PCDHGB1: variants seen among roughly 807,000 people sequenced by gnomAD.
PCDHGB1 encodes protocadherin gamma-B1.
Under a neutral mutation model 56.6 loss-of-function variants are expected in PCDHGB1, and 34 were observed. The ratio of observed to expected loss-of-function variants is 0.60; its 90% confidence interval spans 0.46 to 0.80. The LOEUF (loss-of-function observed/expected upper bound fraction) is 0.80. PCDHGB1 is among the 30% of genes least tolerant of loss of function. The pLI is 0.00. For synonymous variants in PCDHGB1, 561 were observed against 505.9 expected (o/e 1.11, Z -1.46); for missense variants, 1,278 against 1,204.6 (o/e 1.06, Z -0.90).
chr5:141,409,213 C>T (rs1379007048), intron 1 of PCDHGB1: 1 of 1,613,994 alleles, frequency 6.2e-7, no homozygotes, highest in Admixed American at 1.7e-5. Context: ...TCATAGAAAT[C>T]CTTGATGAAA....
chr5:141,369,352 G>A (rs1265381304), intron 1 of PCDHGB1, among the ~76,000 whole-genome samples: 1 of 152,116 alleles, frequency 6.6e-6, no homozygotes, highest in East Asian at 1.9e-4. Flanking sequence ...TTGTGATGTA[G>A]TATGAAAAAA....
chr5:141,360,054 G>C, intron 1 of PCDHGB1: 1 of 1,445,180 alleles, frequency 6.9e-7, no homozygotes. Flanking sequence ...AACAAAAGCA[G>C]GAAAAGTGAC....
rs750967343 is a variant in PCDHGB1 at position 141,357,091 on chromosome 5, G to A, written c.2409+4422G>A. On this transcript the variant is annotated intron_variant, in intron 1 of 3. Transcript: ENST00000523390. ...CACAGGCGAGGTGCGCACCGCACGG[G>A]CCCTGCTGGACAGAGACGCGCTCAA... is the stretch of plus-strand genomic sequence containing the variant. 18 of 1,613,788 alleles carry A rather than the reference G, an allele frequency of 1.1e-5. No homozygotes were observed. The highest frequency in any genetic ancestry group is 8.8e-5 in the South Asian group (8 of 91,090).
At chr5:141,509,507 T>G (rs2099877110) in intron 3 of PCDHGB1, among the ~76,000 whole-genome samples, 1 of 151,792 alleles carries the variant, frequency 6.6e-6, no homozygotes, top group African/African-American at 2.4e-5. Flanking sequence ...GATGTGACGG[T>G]GTTGATGATG....
intron 1 of PCDHGB1, chr5:141,357,448 C>T: frequency 1.9e-6 from 3 of 1,614,238 alleles, no homozygotes; most frequent in Non-Finnish European, 2.5e-6. Flanking sequence ...TCGGGCTTTC[C>T]TGCAGACCTA....
In PCDHGB1 at chr5:141,486,708, C is replaced by A; in HGVS notation, c.2410-8099C>A. On this transcript the variant is annotated intron_variant, in intron 1 of 3. Transcript: ENST00000523390. The surrounding 1 kb of genome is among the most constrained non-coding windows in gnomAD (Gnocchi z 5.0). ...GCTTCCTCTTTCATCTCTCTGAACC[C>A]CCAGACAGGAGCTGTTCATGCTACT... is the stretch of plus-strand genomic sequence containing the variant. 6.2e-7 allele frequency: 1 copy of A among 1,614,180 alleles called. No individual in the cohort carries two copies. Among genetic ancestry groups the A allele is most frequent in the South Asian group, 1.1e-5 (1 of 91,084 alleles).
chr5:141,443,207 C>T (rs907169095), intron 1 of PCDHGB1, among the ~76,000 whole-genome samples: 5 of 152,064 alleles, frequency 3.3e-5, no homozygotes, highest in African/African-American at 1.2e-4. Context: ...AAGAGCTTGT[C>T]TCGCCAGGCG....
chr5:141,437,094 G>A (rs1183502010), intron 1 of PCDHGB1, among the ~76,000 whole-genome samples: 3 of 152,126 alleles, frequency 2.0e-5, no homozygotes, highest in African/African-American at 4.8e-5. Context: ...TGAAACTAAC[G>A]GCTTAGCTTT....
intron 1 of PCDHGB1, chr5:141,419,512 G>T (rs754877872): frequency 3.7e-6 from 6 of 1,612,296 alleles, no homozygotes; most frequent in South Asian, 1.1e-5. Context: ...TGCGCGTGTT[G>T]GTGGGCGACC....
rs781229038 is a variant in PCDHGB1, at chr5:141,489,990, A to C, written c.2410-4817A>C. 1.2e-4 allele frequency: 194 copies of C among 1,614,138 alleles called. No individual in the cohort carries two copies. Among genetic ancestry groups the C allele is most frequent in the Non-Finnish European group, 1.6e-4 (188 of 1,180,038 alleles). Reference sequence around the variant, plus strand: ...TCCAATCCTCAGTTCTACGTGTGGGAATCCCAGAGAATGCACCCATTGGTA... The same window carrying C: ...TCCAATCCTCAGTTCTACGTGTGGGCATCCCAGAGAATGCACCCATTGGTA... On this transcript the variant is annotated intron_variant, in intron 1 of 3. Transcript: ENST00000523390. The surrounding 1 kb of genome is among the most constrained non-coding windows in gnomAD (Gnocchi z 4.5).
chr5:141,483,606 C>T (rs1460635551), intron 1 of PCDHGB1, among the ~76,000 whole-genome samples: 1 of 151,984 alleles, frequency 6.6e-6, no homozygotes, highest in Non-Finnish European at 1.5e-5. Flanking sequence ...CTGGTTTACA[C>T]CTCCATCATT....
intron 3 of PCDHGB1, among the ~76,000 whole-genome samples, chr5:141,505,782 T>A (rs1163025757): frequency 6.6e-6 from 1 of 152,204 alleles, no homozygotes; most frequent in Non-Finnish European, 1.5e-5. Context: ...CTAGCTCTGC[T>A]ACTATCCTTG....
chr5:141,484,004 G>C (rs1042457090), intron 1 of PCDHGB1, among the ~76,000 whole-genome samples: 5 of 146,164 alleles, frequency 3.4e-5, no homozygotes, highest in Non-Finnish European at 4.5e-5. Flanking sequence ...AGGTCTGGAT[G>C]AGGGTGGGGG....
intron 1 of PCDHGB1, chr5:141,407,995 C>A: frequency 1.2e-6 from 1 of 869,524 alleles, no homozygotes. Flanking sequence ...AGCCTCTGGC[C>A]TGGGATTCCC....
At chr5:141,364,166 C>T (rs1763198104) in intron 1 of PCDHGB1, 4 of 715,060 alleles carry the variant, frequency 5.6e-6, no homozygotes, top group Admixed American at 3.8e-5. Context: ...AGAGGCGACC[C>T]GACTCTGCTC....
chr5:141,366,545 C>T, intron 1 of PCDHGB1: 1 of 1,614,268 alleles, frequency 6.2e-7, no homozygotes, highest in East Asian at 2.2e-5. Context: ...GCCCGCCTCG[C>T]ACTTTGTGGG....
At chr5:141,410,619 C>T (rs757187051) in intron 1 of PCDHGB1, 8 of 1,603,614 alleles carry the variant, frequency 5.0e-6, no homozygotes, top group Admixed American at 3.3e-5. Flanking sequence ...ACTCTGACTT[C>T]GGTGAGTTTC....
At chr5:141,502,534 C>T (rs565889110) in intron 2 of PCDHGB1, among the ~76,000 whole-genome samples, 10 of 152,074 alleles carry the variant, frequency 6.6e-5, no homozygotes, top group Non-Finnish European at 1.0e-4. Context: ...CGAGTTTGTT[C>T]GTGTGGTAAA....
intron 1 of PCDHGB1, among the ~76,000 whole-genome samples, chr5:141,474,312 T>G (rs1358237994): frequency 6.6e-6 from 1 of 152,228 alleles, no homozygotes; most frequent in African/African-American, 2.4e-5. Flanking sequence ...AACTTTAATG[T>G]GTTTTCAAAT....
Sources: allele counts gnomAD v4.1 joint callset (sites outside exome capture counted in the v4.1 genomes callset), GRCh38; gene constraint gnomAD v4.1.1; non-coding constraint Gnocchi (gnomAD v3.1); transcripts MANE v1.5; gene names NCBI Gene and HGNC (gene_info 2026-07-23, HGNC 2026-07-21).